Variants in SIPA1L2 observed in about 807,000 individuals in gnomAD.
SIPA1L2 encodes the protein signal induced proliferation associated 1 like 2.
In SIPA1L2, 56 loss-of-function variants were observed where a neutral mutation model predicts 163.9. That is an observed-to-expected ratio of 0.34 (90% CI 0.28 to 0.43). SIPA1L2 has a LOEUF of 0.43. Ranked by LOEUF, SIPA1L2 falls within the 20% of genes least tolerant of loss-of-function variation. The probability of loss-of-function intolerance (pLI) is 1.00; values close to 1 mark genes in which losing one functional copy is unlikely to be tolerated. For synonymous variants in SIPA1L2, 877 were observed against 865.7 expected (o/e 1.01, Z -0.23); for missense variants, 1,974 against 2,193.5 (o/e 0.90, Z 2.00).
intron 1 of SIPA1L2, among the ~76,000 whole-genome samples, chr1:232,584,420 T>C (rs1369467867): frequency 6.6e-6 from 1 of 152,212 alleles, no homozygotes; most frequent in East Asian, 1.9e-4. Context: ...AGACGGGCTT[T>C]CAGCATGTTG....
chr1:232,563,329 T>C (rs1033018535), intron 2 of SIPA1L2, among the ~76,000 whole-genome samples: 1 of 152,238 alleles, frequency 6.6e-6, no homozygotes, highest in Non-Finnish European at 1.5e-5. Context: ...TTCCTCATTT[T>C]GTCTGAACAC....
At chr1:232,458,616 A>C (rs958269568) in intron 10 of SIPA1L2, among the ~76,000 whole-genome samples, 1 of 152,204 alleles carries the variant, frequency 6.6e-6, no homozygotes, top group African/African-American at 2.4e-5. Flanking sequence ...TTCTATAGTA[A>C]TCGGCTGCTA....
chr1:232,581,725 ACAGT>A (rs1386832533), intron 1 of SIPA1L2, among the ~76,000 whole-genome samples: 1 of 152,148 alleles, frequency 6.6e-6, no homozygotes, highest in African/African-American at 2.4e-5. Flanking sequence ...TCCCTACCTG[ACAGT>A]CAGAATACAC....
intron 7 of SIPA1L2, among the ~76,000 whole-genome samples, chr1:232,476,233 C>G (rs913602148): frequency 6.6e-6 from 1 of 152,176 alleles, no homozygotes; most frequent in Non-Finnish European, 1.5e-5. Context: ...AACATCATTA[C>G]CTCTTTGGTG....
intron 18 of SIPA1L2, among the ~76,000 whole-genome samples, chr1:232,418,115 G>A (rs1426356588): frequency 2.0e-5 from 3 of 152,228 alleles, no homozygotes; most frequent in Non-Finnish European, 4.4e-5. Context: ...CATTCTTGAA[G>A]GCTAAAATCA....
intron 6 of SIPA1L2, among the ~76,000 whole-genome samples, chr1:232,481,666 C>T (rs940339246): frequency 6.6e-6 from 1 of 152,160 alleles, no homozygotes; most frequent in Admixed American, 6.6e-5. Context: ...TACAGGCTAT[C>T]AATTTTATCA....
rs375820432 is a variant in SIPA1L2, at chr1:232,461,008, C to T, written c.2974G>A (p.Val992Met). ...GCCACGGCTACTTTGCAGATCTCCA[C>T]GAGGCGGCTCCCTTGGCGAAGGCCA... ...KAGLRQGSRL[V>M]EICKVAVATL... The change falls in exon 10 of 23, where the codon GTG (valine) becomes ATG (methionine). Residue 992 changes from valine to methionine, a missense_variant. Val to Met is a conservative substitution (Grantham distance 21). This residue lies in a region of SIPA1L2 where 1,079 missense variants were observed against 1,150.7 expected (regional missense o/e 0.94). Coordinates refer to ENST00000674635, the MANE Select transcript of SIPA1L2 (RefSeq NM_020808.5). 48 of 1,614,152 alleles carry T rather than the reference C, an allele frequency of 3.0e-5. No homozygotes were observed. The highest frequency in any genetic ancestry group is 2.7e-4 in the Admixed American group (16 of 60,014).
chr1:232,599,594 T>C (rs1386661356), intron 1 of SIPA1L2, among the ~76,000 whole-genome samples: 2 of 152,232 alleles, frequency 1.3e-5, no homozygotes, highest in Non-Finnish European at 2.9e-5. Context: ...GCAGCTGTGA[T>C]GACCTCGAAG....
At chr1:232,540,309 C>A (rs1159548852) in intron 2 of SIPA1L2, among the ~76,000 whole-genome samples, 1 of 152,104 alleles carries the variant, frequency 6.6e-6, no homozygotes, top group Non-Finnish European at 1.5e-5. Context: ...CATCTCAAAA[C>A]AACAGCAACA....
At chr1:232,540,160 C>T (rs748125257) in intron 2 of SIPA1L2, among the ~76,000 whole-genome samples, 9 of 151,992 alleles carry the variant, frequency 5.9e-5, no homozygotes, top group Non-Finnish European at 1.0e-4. Flanking sequence ...AAAATTTAGC[C>T]GGGCGTGGTG....
chr1:232,399,102 G>T lies in SIPA1L2; in HGVS notation c.*25C>A. On this transcript the variant is annotated 3_prime_UTR_variant, in exon 23 of 23. Transcript: ENST00000674635. ...AAAGGGACAAGGGGCATTTCCCAGTGGTCCCTTGATGAGGTGCGGATTGGC... is the reference window on the plus strand; with the variant it reads ...AAAGGGACAAGGGGCATTTCCCAGTTGTCCCTTGATGAGGTGCGGATTGGC... 6.2e-7 allele frequency: 1 copy of T among 1,613,736 alleles called. No individual in the cohort carries two copies. The highest frequency in any genetic ancestry group is 8.5e-7 in the Non-Finnish European group (1 of 1,179,808).
intron 9 of SIPA1L2, 37 bp downstream of exon 9, chr1:232,464,803 C>T (rs780546316): frequency 1.3e-6 from 2 of 1,508,292 alleles, no homozygotes; most frequent in African/African-American, 2.8e-5. Context: ...GAATTGAAAA[C>T]ATAAGGATGG....
chr1:232,526,236 C>T (rs749531272), intron 2 of SIPA1L2, among the ~76,000 whole-genome samples: 9 of 152,218 alleles, frequency 5.9e-5, no homozygotes, highest in Non-Finnish European at 1.0e-4. Flanking sequence ...CTGTATCTGT[C>T]ATCCTACCAG....
intron 2 of SIPA1L2, among the ~76,000 whole-genome samples, chr1:232,549,853 C>T (rs1658273886): frequency 6.6e-6 from 1 of 152,166 alleles, no homozygotes; most frequent in Admixed American, 6.5e-5. Flanking sequence ...CCACCGCTGC[C>T]TTAGATTATA....
intron 3 of SIPA1L2, 128 bp downstream of exon 3, chr1:232,513,729 G>A: frequency 1.0e-6 from 1 of 970,262 alleles, no homozygotes; most frequent in Middle Eastern, 3.2e-4. Context: ...TGGAGAACAA[G>A]GTCAGGCCCA....
intron 1 of SIPA1L2, among the ~76,000 whole-genome samples, chr1:232,589,008 C>CA (rs1258136196): frequency 6.7e-6 from 1 of 149,696 alleles, no homozygotes; most frequent in Middle Eastern, 3.2e-3. Flanking sequence ...TTGGAGTCCT[C>CA]AATTATTTTC....
Position 232,441,358 on chromosome 1 carries a change from C to A in SIPA1L2, c.3575G>T (p.Gly1192Val), listed in dbSNP as rs535220767. The part of the protein sequence containing the change: ...KWHGPPSKVL[G>V]SYKERALQKD... ...CTGCAGAGCTCTTTCTTTATAGGAA[C>A]CCAGGACTTTGGAAGGTGGGCCATG... Residue 1192 changes from glycine to valine, a missense_variant, in exon 14 of 23, where the codon GGT (glycine) becomes GTT (valine). This residue lies in a region of SIPA1L2 where 1,079 missense variants were observed against 1,150.7 expected (regional missense o/e 0.94). Transcript: ENST00000674635. 3 of 1,597,682 alleles carry A rather than the reference C, an allele frequency of 1.9e-6. No individual in the cohort carries two copies. The highest frequency in any genetic ancestry group is 2.6e-6 in the Non-Finnish European group (3 of 1,176,336).
chr1:232,416,446 G>A (rs553697170), intron 18 of SIPA1L2, among the ~76,000 whole-genome samples: 1 of 152,236 alleles, frequency 6.6e-6, no homozygotes, highest in Non-Finnish European at 1.5e-5. Context: ...TTCTTCCAGG[G>A]GGCTTCTTTT....
chr1:232,628,011 T>C (rs1663173008), intron 1 of SIPA1L2, among the ~76,000 whole-genome samples: 2 of 152,218 alleles, frequency 1.3e-5, no homozygotes, highest in Admixed American at 6.5e-5. Context: ...AGGCACACAA[T>C]AAATGATAGC....
Sources: allele counts gnomAD v4.1 joint callset (sites outside exome capture counted in the v4.1 genomes callset), GRCh38; gene constraint gnomAD v4.1.1; regional missense constraint gnomAD v4.1.1; transcripts MANE v1.5; gene names NCBI Gene and HGNC (gene_info 2026-07-23, HGNC 2026-07-21).